SSPN: variants seen among roughly 807,000 people sequenced by gnomAD.
SSPN encodes the protein K-ras oncogene-associated protein.
A neutral mutation model predicts 19.1 loss-of-function variants in SSPN; 15 were observed. The ratio of observed to expected loss-of-function variants is 0.78; its 90% CI spans 0.52 to 1.21. SSPN has a LOEUF of 1.21. SSPN is among the 50% of genes most tolerant of loss of function. SSPN has a pLI of 0.00. For missense variants in SSPN, 291 were observed against 314.0 expected (o/e 0.93, Z 0.55); for synonymous variants, 147 against 140.3 (o/e 1.05, Z -0.34).
upstream of SSPN, chr12:26,195,569 C>T: frequency 3.0e-6 from 4 of 1,315,374 alleles, no homozygotes; most frequent in South Asian, 8.8e-5. Context: ...TTTGTTCAGC[C>T]TCCATAATTC....
intron 1 of SSPN, among the ~76,000 whole-genome samples, chr12:26,187,684 T>G (rs915484913): frequency 1.3e-5 from 2 of 152,156 alleles, no homozygotes; most frequent in African/African-American, 4.8e-5. Flanking sequence ...GCTAAAACAA[T>G]GCACTTATAG....
At chr12:26,155,034 A>T (rs1197738882) in intron 1 of SSPN, among the ~76,000 whole-genome samples, 1 of 152,204 alleles carries the variant, frequency 6.6e-6, no homozygotes, top group Non-Finnish European at 1.5e-5. Context: ...CTAGATCTCT[A>T]TCAGACTACT....
intron 1 of SSPN, among the ~76,000 whole-genome samples, chr12:26,179,167 G>A (rs184210497): frequency 1.3e-4 from 20 of 152,280 alleles, no homozygotes; most frequent in African/African-American, 4.3e-4. Flanking sequence ...ACACTGGGAC[G>A]GGAAGAGGGG....
chr12:26,137,823 G>A (rs934259084), intron 1 of SSPN, among the ~76,000 whole-genome samples: 5 of 150,380 alleles, frequency 3.3e-5, no homozygotes, highest in Admixed American at 2.0e-4. Flanking sequence ...CCACCACCAC[G>A]CCCGGCTAAT....
intron 1 of SSPN, among the ~76,000 whole-genome samples, chr12:26,219,787 C>G (rs1032363873): frequency 9.2e-5 from 14 of 152,218 alleles, no homozygotes; most frequent in African/African-American, 3.4e-4. Flanking sequence ...CCTGTTGCCT[C>G]TCAGCACTAG....
chr12:26,182,507 A>G (rs551562472), intron 1 of SSPN, among the ~76,000 whole-genome samples: 58 of 152,188 alleles, frequency 3.8e-4, no homozygotes, highest in African/African-American at 1.4e-3. Flanking sequence ...TTTAATTGAC[A>G]AAGGTGAAGG....
intron 1 of SSPN, among the ~76,000 whole-genome samples, chr12:26,198,437 A>T (rs1944849871): frequency 6.6e-6 from 1 of 152,230 alleles, no homozygotes; most frequent in African/African-American, 2.4e-5. Flanking sequence ...AATGATAATA[A>T]TTCCTACCTT....
rs371381268 is a variant in SSPN, at chr12:26,183,409, C to T, written c.-30-40884C>T. 1.2e-3 allele frequency among the ~76,000 whole-genome samples: 189 copies of T among 152,302 alleles called. 1 individual carries two copies. The highest frequency in any genetic ancestry group is 4.1e-3 in the African/African-American group (170 of 41,562). ...GATTACTGGCATGAGCCACTGCGCC[C>T]GGTCCCAAACTTCCCTTTAAAAAAT... On this transcript the variant is annotated intron_variant, in intron 1 of 2. Coordinates refer to the SSPN transcript ENST00000538142.
chr12:26,170,298 A>G lies in SSPN; in HGVS notation c.-31+48146A>G, dbSNP rs575764757. 3.3e-5 allele frequency among the ~76,000 whole-genome samples: 5 copies of G among 152,346 alleles called. No individual in the cohort carries two copies. In the South Asian group the frequency reaches 1.0e-3, roughly 32 times the overall value. ...TAGGAATTAAATGAGGATTGACTAC[A>G]ATAAATTATTCTGTTTCTCAGTGTA... is the stretch of plus-strand genomic sequence containing the variant. On this transcript the variant is annotated intron_variant, in intron 1 of 2. Coordinates refer to the SSPN transcript ENST00000538142.
chr12:26,195,404 G>A (rs1019055863), upstream of SSPN: 4 of 440,334 alleles, frequency 9.1e-6, no homozygotes, highest in African/African-American at 2.0e-5. Flanking sequence ...GACCCGCGCC[G>A]GTTTCCGCGG....
chr12:26,158,958 A>G (rs1317343136), intron 1 of SSPN, among the ~76,000 whole-genome samples: 1 of 152,250 alleles, frequency 6.6e-6, no homozygotes, highest in Non-Finnish European at 1.5e-5. Flanking sequence ...TGACAGCAGC[A>G]GAGACAGCTG....
Position 26,148,491 on chromosome 12 carries a change from C to G in SSPN, c.-31+26339C>G, listed in dbSNP as rs185849005. Among the ~76,000 whole-genome samples the G allele has an allele frequency of 1.6e-3, 243 of 152,308 alleles. 1 individual carries two copies. Among genetic ancestry groups the G allele is most frequent in the Non-Finnish European group, 1.5e-3 (101 of 68,018 alleles). Reference sequence around the variant, plus strand: ...TGTGTGATGATAAAGAACGGGCCAACATGATGTGCTGCTTTACAGAGTGGA... The same window carrying G: ...TGTGTGATGATAAAGAACGGGCCAAGATGATGTGCTGCTTTACAGAGTGGA... On this transcript the variant is annotated intron_variant, in intron 1 of 2. Transcript: ENST00000538142.
intron 1 of SSPN, among the ~76,000 whole-genome samples, chr12:26,152,788 G>A (rs115398048): frequency 4.2e-4 from 64 of 152,224 alleles, no homozygotes; most frequent in African/African-American, 1.4e-3. Flanking sequence ...ACCCTTCAAC[G>A]TCTTCCTGTT....
chr12:26,176,274 T>C (rs772303447), intron 1 of SSPN, among the ~76,000 whole-genome samples: 36 of 152,234 alleles, frequency 2.4e-4, no homozygotes, highest in Non-Finnish European at 4.8e-4. Flanking sequence ...AGCCACGCTA[T>C]CTTTCAACCT....
At chr12:26,149,815 C>T (rs1944514227) in intron 1 of SSPN, among the ~76,000 whole-genome samples, 1 of 152,226 alleles carries the variant, frequency 6.6e-6, no homozygotes, top group South Asian at 2.1e-4. Flanking sequence ...TAGATTAGCA[C>T]ACATGTGCAT....
Position 26,230,735 on chromosome 12 carries a change from C to G in SSPN, c.391C>G (p.Leu131Val), listed in dbSNP as rs1945220867. The G allele has an allele frequency of 7.4e-6, 12 of 1,613,684 alleles. No homozygotes were observed. Among genetic ancestry groups the G allele is most frequent in the Non-Finnish European group, 1.0e-5 (12 of 1,179,670 alleles). Residue 131 changes from leucine to valine, a missense_variant, in exon 3 of 3, where the codon CTG becomes GTG. Coordinates refer to ENST00000242729, the MANE Select transcript of SSPN (RefSeq NM_005086.5). Reference protein sequence around the residue: ...MKLLYFLLSALGLTVCVLAVA... With the variant: ...MKLLYFLLSAVGLTVCVLAVA... ...GCTGTTATACTTTCTGCTGAGTGCC[C>G]TGGGCCTGACGGTCTGTGTGCTGGC...
chr12:26,200,499 T>G (rs1944867874), intron 1 of SSPN, among the ~76,000 whole-genome samples: 1 of 152,154 alleles, frequency 6.6e-6, no homozygotes, highest in South Asian at 2.1e-4. Flanking sequence ...ATATCACATA[T>G]AGCAAATAAG....
At chr12:26,141,477 A>G (rs1284236780) in intron 1 of SSPN, among the ~76,000 whole-genome samples, 5 of 152,214 alleles carry the variant, frequency 3.3e-5, no homozygotes, top group African/African-American at 1.2e-4. Context: ...TGGTAAATTT[A>G]TTGTAATTTG....
chr12:26,145,716 T>C (rs549788940), intron 1 of SSPN, among the ~76,000 whole-genome samples: 1 of 152,308 alleles, frequency 6.6e-6, no homozygotes, highest in East Asian at 1.9e-4. Context: ...GCCACCACCA[T>C]GGCCTCAGAT....
Sources: allele counts gnomAD v4.1 joint callset (sites outside exome capture counted in the v4.1 genomes callset), GRCh38; gene constraint gnomAD v4.1.1; transcripts MANE v1.5; gene names NCBI Gene and HGNC (gene_info 2026-07-23, HGNC 2026-07-21).